Variants in FRAS1 observed in about 807,000 individuals in gnomAD.
The protein encoded by FRAS1 is Fraser extracellular matrix complex subunit 1.
A neutral mutation model predicts 435.2 loss-of-function variants in FRAS1; 290 were observed. The observed-to-expected ratio is 0.67, with a 90% CI of 0.61 to 0.73. FRAS1 has a LOEUF of 0.73. Among genes scored for constraint, FRAS1 ranks in the 30% least tolerant of loss-of-function variants. FRAS1 has a pLI of 0.00. For missense variants in FRAS1, 4,860 were observed against 5,001.5 expected, an observed-to-expected ratio of 0.97 and a Z score of 0.85; for synonymous variants, 1,800 against 1,851.0, an observed-to-expected ratio of 0.97 and a Z score of 0.71.
At chr4:78,501,167 C>T (rs1234068808) in intron 61 of FRAS1, among the ~76,000 whole-genome samples, 2 of 152,102 alleles carry the variant, frequency 1.3e-5, no homozygotes, top group Admixed American at 1.3e-4. Context: ...TGCCCTGTGT[C>T]CAAGTGTTCT....
At chr4:78,535,138 C>T (rs914212791) in intron 71 of FRAS1, among the ~76,000 whole-genome samples, 2 of 152,194 alleles carry the variant, frequency 1.3e-5, no homozygotes, top group Admixed American at 6.5e-5. Flanking sequence ...GCATCAGCCT[C>T]ACCCGACACC....
intron 2 of FRAS1, among the ~76,000 whole-genome samples, chr4:78,216,850 C>G (rs1223880801): frequency 6.6e-6 from 1 of 152,008 alleles, no homozygotes; most frequent in Non-Finnish European, 1.5e-5. Flanking sequence ...GAGACTGTGT[C>G]AGAGAAAAGA....
At chr4:78,167,234 T>A (rs1396288800) in intron 2 of FRAS1, among the ~76,000 whole-genome samples, 2 of 152,192 alleles carry the variant, frequency 1.3e-5, no homozygotes, top group Admixed American at 6.5e-5. Flanking sequence ...CTTTCTTCCA[T>A]GTACCAAAGG....
chr4:78,239,744 G>A (rs1267585754), intron 3 of FRAS1, among the ~76,000 whole-genome samples: 2 of 152,164 alleles, frequency 1.3e-5, no homozygotes, highest in South Asian at 2.1e-4. Flanking sequence ...GAACAGCAAA[G>A]TGCAAAGGCT....
intron 50 of FRAS1, among the ~76,000 whole-genome samples, chr4:78,469,349 G>A (rs533662891): frequency 1.3e-5 from 2 of 152,142 alleles, no homozygotes; most frequent in South Asian, 2.1e-4. Flanking sequence ...ATGCATGTGT[G>A]TATCTGTGAG....
At position 78,389,390 on chromosome 4, in the gene FRAS1, G is replaced by T. The variant is rs141284407; in HGVS notation, c.3975+1689G>T. Among the ~76,000 whole-genome samples the T allele has an allele frequency of 4.1e-3, 618 of 152,314 alleles. 2 individuals are homozygous for T. The highest frequency in any genetic ancestry group is 6.9e-3 in the Non-Finnish European group (467 of 68,032). On this transcript the variant is annotated intron_variant, in intron 29 of 73. Transcript: ENST00000512123. ...ATCACTCAAAATTTGCGATTGATCC[G>T]ATTGAGCCTCATGAAGGTGAACAGC... is the stretch of plus-strand genomic sequence containing the variant.
chr4:78,258,204 G>A (rs963275944), intron 6 of FRAS1, among the ~76,000 whole-genome samples: 1 of 152,034 alleles, frequency 6.6e-6, no homozygotes, highest in Admixed American at 6.6e-5. Flanking sequence ...AGCCGGACAT[G>A]ATGGTTCATG....
chr4:78,237,851 C>T (rs1056286676), intron 3 of FRAS1, among the ~76,000 whole-genome samples: 1 of 152,130 alleles, frequency 6.6e-6, no homozygotes, highest in Non-Finnish European at 1.5e-5. Context: ...TTACTCTGGA[C>T]CAGGGACTTG....
rs1254321103 is a variant in FRAS1, at chr4:78,479,394, T to C, written c.8119T>C (p.Ser2707Pro). ...ERKGDASSIVSAICYTVPKSA... is the reference protein window; with the variant it reads ...ERKGDASSIVPAICYTVPKSA... ...TTCAGGAGATGCAAGCAGCATTGTATCTGCAATTTGCTACACAGTCCCTAA... is the reference window on the plus strand; with the variant it reads ...TTCAGGAGATGCAAGCAGCATTGTACCTGCAATTTGCTACACAGTCCCTAA... Residue 2707 changes from serine (S) to proline (P), a missense_variant, in exon 56 of 74, where the codon TCT becomes CCT. Transcript: ENST00000512123. The C allele has an allele frequency of 6.7e-7, 1 of 1,500,340 alleles. No individual in the cohort carries two copies. The highest frequency in any genetic ancestry group is 8.9e-7 in the Non-Finnish European group (1 of 1,121,636). 92.9% of individuals were successfully genotyped at this position (1,500,340 alleles called of 1,614,324 possible).
At chr4:78,386,257 G>T (rs1732214901) in intron 28 of FRAS1, among the ~76,000 whole-genome samples, 1 of 152,174 alleles carries the variant, frequency 6.6e-6, no homozygotes, top group Non-Finnish European at 1.5e-5. Context: ...TTAAATTTCT[G>T]TGACATTGCA....
intron 2 of FRAS1, among the ~76,000 whole-genome samples, chr4:78,112,939 T>C (rs1742840406): frequency 6.6e-6 from 1 of 152,130 alleles, no homozygotes; most frequent in Non-Finnish European, 1.5e-5. Context: ...AACTCGTCAT[T>C]TAACATTAGG....
chr4:78,106,406 C>T (rs1331997980), intron 2 of FRAS1, among the ~76,000 whole-genome samples: 3 of 7,576 alleles, frequency 4.0e-4, no homozygotes, highest in African/African-American at 1.1e-3. Context: ...GATCTGAGAA[C>T]GGGCAGACTG....
intron 21 of FRAS1, 41 bp from the exon 22 acceptor site, chr4:78,363,867 C>A: frequency 6.3e-7 from 1 of 1,578,838 alleles, no homozygotes; most frequent in South Asian, 1.2e-5. Context: ...GGAAGAGAAT[C>A]TGACATCATG....
At chr4:78,064,953 C>T (rs1009850516) in intron 1 of FRAS1, among the ~76,000 whole-genome samples, 2 of 151,314 alleles carry the variant, frequency 1.3e-5, no homozygotes, top group South Asian at 2.1e-4. Flanking sequence ...GGTGACAGCA[C>T]ACTGCCCATC....
intron 2 of FRAS1, among the ~76,000 whole-genome samples, chr4:78,082,368 T>C (rs958096233): frequency 6.6e-6 from 1 of 152,170 alleles, no homozygotes; most frequent in Non-Finnish European, 1.5e-5. Context: ...ATATATAAAT[T>C]TAAATTTAAA....
intron 2 of FRAS1, among the ~76,000 whole-genome samples, chr4:78,125,344 G>A (rs1330179800): frequency 1.3e-5 from 2 of 152,168 alleles, no homozygotes; most frequent in Non-Finnish European, 2.9e-5. Context: ...TTGCACTGTG[G>A]TCTCAGAGAC....
intron 2 of FRAS1, among the ~76,000 whole-genome samples, chr4:78,096,091 C>T (rs916746450): frequency 2.0e-5 from 3 of 152,210 alleles, no homozygotes; most frequent in African/African-American, 7.2e-5. Flanking sequence ...TGGGTAAATA[C>T]AGCCATTCCA....
intron 6 of FRAS1, among the ~76,000 whole-genome samples, chr4:78,257,725 A>T (rs1213661394): frequency 1.3e-5 from 2 of 152,174 alleles, no homozygotes; most frequent in Non-Finnish European, 2.9e-5. Context: ...GAAAATGTAG[A>T]TATGTTTGTT....
At chr4:78,114,856 C>T (rs1424970891) in intron 2 of FRAS1, among the ~76,000 whole-genome samples, 1 of 152,204 alleles carries the variant, frequency 6.6e-6, no homozygotes, top group Non-Finnish European at 1.5e-5. Flanking sequence ...GCCAGAACTT[C>T]CAACACTATG....
Sources: allele counts gnomAD v4.1 joint callset (sites outside exome capture counted in the v4.1 genomes callset), GRCh38; gene constraint gnomAD v4.1.1; transcripts MANE v1.5; gene names NCBI Gene and HGNC (gene_info 2026-07-23, HGNC 2026-07-21).